The following FSTL4 variants were observed in gnomAD, a reference collection of about 807,000 sequenced individuals.
The protein encoded by FSTL4 is follistatin like 4, also known as follistatin-related protein 4.
FSTL4 carries 28 observed loss-of-function variants against 78.2 expected under a neutral mutation model. The observed-to-expected ratio is 0.36, with a 90% confidence interval of 0.27 to 0.49. FSTL4 has a LOEUF of 0.49. Among genes scored for constraint, FSTL4 ranks in the 20% least tolerant of loss-of-function variants. The probability of loss-of-function intolerance (pLI) is 0.98; values close to 1 mark genes in which losing one functional copy is unlikely to be tolerated. For missense variants in FSTL4, 922 were observed against 1,084.9 expected (o/e 0.85, Z 2.11); for synonymous variants, 422 against 440.5 (o/e 0.96, Z 0.53).
intron 8 of FSTL4, among the ~76,000 whole-genome samples, chr5:133,230,365 T>C (rs536722384): frequency 1.1e-4 from 17 of 152,242 alleles, no homozygotes; most frequent in Non-Finnish European, 1.9e-4. Context: ...TTGGAAGCTC[T>C]CCCAGACCAA....
the FSTL4 span, among the ~76,000 whole-genome samples, chr5:133,714,236 C>T: frequency 2.0e-5 from 3 of 152,216 alleles, no homozygotes; most frequent in African/African-American, 7.2e-5. Flanking sequence ...TGTTGTCCAA[C>T]ATGGCCCCCC....
At chr5:133,229,745 A>G (rs1428104034) in intron 8 of FSTL4, among the ~76,000 whole-genome samples, 2 of 152,190 alleles carry the variant, frequency 1.3e-5, no homozygotes, top group Non-Finnish European at 2.9e-5. Flanking sequence ...CGCCTTAATG[A>G]TCTTGATGCA....
the FSTL4 span, among the ~76,000 whole-genome samples, chr5:133,832,976 C>T: frequency 4.0e-5 from 6 of 151,872 alleles, no homozygotes; most frequent in Non-Finnish European, 7.4e-5. Context: ...TTTTTTTAAC[C>T]ATTTTTGAAT....
intron 7 of FSTL4, among the ~76,000 whole-genome samples, chr5:133,249,169 C>T (rs1217737435): frequency 2.6e-5 from 4 of 152,206 alleles, no homozygotes; most frequent in African/African-American, 9.7e-5. Context: ...GCCTCCTGTC[C>T]CACCCATCGC....
the FSTL4 span, among the ~76,000 whole-genome samples, chr5:133,708,969 TG>T: frequency 5.3e-5 from 8 of 152,358 alleles, no homozygotes; most frequent in Non-Finnish European, 8.8e-5. Context: ...AGGCAGTCTC[TG>T]GCACATAGTA....
At chr5:133,545,722 A>G (rs1189513109) in intron 3 of FSTL4, among the ~76,000 whole-genome samples, 1 of 152,250 alleles carries the variant, frequency 6.6e-6, no homozygotes, top group Non-Finnish European at 1.5e-5. Flanking sequence ...GAATTGTTCC[A>G]AAATTGTTCC....
chr5:133,415,911 C>T (rs1440762428), intron 3 of FSTL4, among the ~76,000 whole-genome samples: 1 of 152,136 alleles, frequency 6.6e-6, no homozygotes, highest in Non-Finnish European at 1.5e-5. Flanking sequence ...GAAGTGAACT[C>T]ACAGTTTATA....
intron 6 of FSTL4, among the ~76,000 whole-genome samples, chr5:133,279,774 C>T (rs1257841020): frequency 3.9e-5 from 6 of 152,186 alleles, no homozygotes; most frequent in African/African-American, 1.4e-4. Context: ...CTATTAGAAC[C>T]TCAGAATGTG....
chr5:133,301,538 G>T (rs568612722), intron 6 of FSTL4, among the ~76,000 whole-genome samples: 1 of 152,292 alleles, frequency 6.6e-6, no homozygotes, highest in East Asian at 1.9e-4. Flanking sequence ...GGTGGGCTTG[G>T]AAGTGCCGCT....
At chr5:133,296,080 CT>C (rs1313953530) in intron 6 of FSTL4, among the ~76,000 whole-genome samples, 1 of 152,196 alleles carries the variant, frequency 6.6e-6, no homozygotes, top group Non-Finnish European at 1.5e-5. Flanking sequence ...AACTCCTGAT[CT>C]TCCCTCCCAA....
At chr5:133,553,460 C>T (rs186276646) in intron 3 of FSTL4, among the ~76,000 whole-genome samples, 43 of 152,286 alleles carry the variant, frequency 2.8e-4, no homozygotes, top group Non-Finnish European at 5.4e-4. Context: ...CAGGGACATC[C>T]CACCACAAAG....
intron 3 of FSTL4, among the ~76,000 whole-genome samples, chr5:133,530,824 G>T (rs531054015): frequency 7.4e-4 from 112 of 152,338 alleles, no homozygotes; most frequent in Non-Finnish European, 1.1e-3. Context: ...CCACACCCCA[G>T]TGCAGAGACC....
At chr5:133,689,583 A>G in the FSTL4 span, among the ~76,000 whole-genome samples, 42 of 152,188 alleles carry the variant, frequency 2.8e-4, no homozygotes, top group Admixed American at 4.6e-4. Context: ...CTCCTGCACA[A>G]TCTCTGAGCC....
In FSTL4 at chr5:133,225,050, T is replaced by C; in HGVS notation, c.1312+100A>G. 7.3e-7 allele frequency: 1 copy of C among 1,365,958 alleles called. No individual in the cohort carries two copies. The highest frequency in any genetic ancestry group is 1.0e-6 in the Non-Finnish European group (1 of 965,116). 84.6% of individuals were successfully genotyped at this position (1,365,958 alleles called of 1,614,324 possible). On this transcript the variant is annotated intron_variant, in intron 10 of 15. Coordinates refer to ENST00000265342, the MANE Select transcript of FSTL4 (RefSeq NM_015082.2). The surrounding 1 kb of genome is among the most constrained non-coding windows in gnomAD (Gnocchi z 4.6). ...GAGGCTTACCCCTGTCTTCACGGGC[T>C]CATGGTTGGCAGCTGTGGCCCTGGT... is the stretch of plus-strand genomic sequence containing the variant.
the FSTL4 span, among the ~76,000 whole-genome samples, chr5:133,688,843 C>T: frequency 8.5e-5 from 13 of 152,296 alleles, no homozygotes; most frequent in East Asian, 1.9e-4. Context: ...GTCCCTACCA[C>T]GGGGCCAGGG....
chr5:133,656,610 C>G, the FSTL4 span, among the ~76,000 whole-genome samples: 4 of 152,150 alleles, frequency 2.6e-5, no homozygotes, highest in South Asian at 8.3e-4. Context: ...AGAGAACAGG[C>G]TTGGTGTGCT....
rs1463281239 is a variant in FSTL4, at chr5:133,210,500, AT to A, written c.1609-203del. ...TATTATTATTATTATTATTATTATT[AT>A]TAATTTTTGAGACGGAGTCTTGCTC... On this transcript the variant is annotated intron_variant, in intron 13 of 15. Transcript: ENST00000265342. Among the ~76,000 whole-genome samples, 199 of 128,268 alleles carry A rather than the reference AT, an allele frequency of 1.6e-3. 1 individual carries two copies. The highest frequency in any genetic ancestry group is 5.5e-3 in the African/African-American group (196 of 35,500). 84.1% of individuals were successfully genotyped at this position (128,268 alleles called of 152,430 possible).
At chr5:133,446,384 G>A (rs1237127715) in intron 3 of FSTL4, among the ~76,000 whole-genome samples, 1 of 152,196 alleles carries the variant, frequency 6.6e-6, no homozygotes, top group Admixed American at 6.5e-5. Context: ...AGGCTGCAGT[G>A]AGCCGAGATC....
intron 3 of FSTL4, among the ~76,000 whole-genome samples, chr5:133,562,474 G>T (rs1200713701): frequency 1.3e-5 from 2 of 152,068 alleles, no homozygotes; most frequent in Non-Finnish European, 2.9e-5. Context: ...CTCGGGACTG[G>T]CAGGTCATGT....
Sources: allele counts gnomAD v4.1 joint callset (sites outside exome capture counted in the v4.1 genomes callset), GRCh38; gene constraint gnomAD v4.1.1; non-coding constraint Gnocchi (gnomAD v3.1); transcripts MANE v1.5; gene names NCBI Gene and HGNC (gene_info 2026-07-23, HGNC 2026-07-21).